Variants in CMAS observed in about 807,000 individuals in gnomAD.
CMAS encodes N-acylneuraminate cytidylyltransferase.
Under a neutral mutation model 53.4 loss-of-function variants are expected in CMAS, and 21 were observed. The ratio of observed to expected loss-of-function variants is 0.39; its 90% CI spans 0.28 to 0.57. CMAS has a LOEUF of 0.57. CMAS is among the 20% of genes least tolerant of loss of function. The pLI, the probability that CMAS is intolerant of heterozygous loss-of-function variation, is 0.56. For missense variants in CMAS, 384 were observed against 534.9 expected (o/e 0.72, Z 2.78); for synonymous variants, 189 against 195.2 (o/e 0.97, Z 0.27).
intron 3 of CMAS, among the ~76,000 whole-genome samples, chr12:22,057,440 C>T (rs1950275611): frequency 6.6e-6 from 1 of 152,004 alleles, no homozygotes; most frequent in South Asian, 2.1e-4. Flanking sequence ...ATATTTTTAA[C>T]TAATGGTAAG....
At chr12:22,048,838 T>C (rs1044083745) in intron 1 of CMAS, among the ~76,000 whole-genome samples, 11 of 152,164 alleles carry the variant, frequency 7.2e-5, no homozygotes. Context: ...TAGAAGATTG[T>C]TTCTCTTCCA....
At chr12:22,049,527 TCTAGA>T (rs1175789537) in intron 1 of CMAS, among the ~76,000 whole-genome samples, 3 of 152,238 alleles carry the variant, frequency 2.0e-5, no homozygotes, top group African/African-American at 4.8e-5. Context: ...ATTTAATACT[TCTAGA>T]CTAGAGTGTA....
chr12:22,063,231 G>A lies in CMAS; in HGVS notation c.1114+797G>A, dbSNP rs1176505243. On this transcript the variant is annotated intron_variant, in intron 7 of 7. Coordinates refer to ENST00000229329, the MANE Select transcript of CMAS (RefSeq NM_018686.6). ...CATGTATGAAAGCAGTATTTACAAG[G>A]GTAATATGAGCCTCAAAATAAGAAG... Among the ~76,000 whole-genome samples, 3 of 152,200 alleles carry A rather than the reference G, an allele frequency of 2.0e-5. No homozygotes were observed. The East Asian group carries it at 5.8e-4, about 29-fold the overall frequency.
chr12:22,059,926 C>T (rs377426210), intron 4 of CMAS, among the ~76,000 whole-genome samples: 1 of 152,086 alleles, frequency 6.6e-6, no homozygotes, highest in South Asian at 2.1e-4. Flanking sequence ...GACCCTTTCT[C>T]TTGCTGACCC....
At chr12:22,051,801 G>A (rs1950240433) in intron 1 of CMAS, among the ~76,000 whole-genome samples, 1 of 152,308 alleles carries the variant, frequency 6.6e-6, no homozygotes, top group Non-Finnish European at 1.5e-5. Flanking sequence ...TGAAGATTGA[G>A]TGTGAGGATT....
chr12:22,058,500 T>G, intron 3 of CMAS, 67 bp from the exon 4 acceptor site: 1 of 1,393,210 alleles, frequency 7.2e-7, no homozygotes, highest in East Asian at 2.3e-5. Flanking sequence ...ATTAACTTTT[T>G]TAGTTACTAA....
At chr12:22,053,480 TTG>T (rs888760456) in intron 1 of CMAS, among the ~76,000 whole-genome samples, 1 of 148,724 alleles carries the variant, frequency 6.7e-6, no homozygotes, top group African/African-American at 2.5e-5. Flanking sequence ...GTATATATGT[TTG>T]TGTGTGTATA....
intron 1 of CMAS, among the ~76,000 whole-genome samples, chr12:22,051,968 T>C (rs1357768658): frequency 6.6e-6 from 1 of 152,216 alleles, no homozygotes; most frequent in African/African-American, 2.4e-5. Flanking sequence ...TTACTGAAAA[T>C]TGAGGCATAG....
At chr12:22,062,939 G>A (rs118141987) in intron 7 of CMAS, among the ~76,000 whole-genome samples, 3 of 152,286 alleles carry the variant, frequency 2.0e-5, no homozygotes, top group South Asian at 4.1e-4. Flanking sequence ...CCACTTAAAT[G>A]TCCTGTGAAA....
chr12:22,065,502 T>G lies in CMAS; in HGVS notation c.*191T>G, dbSNP rs868284821. The G allele has an allele frequency of 3.0e-5, 16 of 530,672 alleles. No individual in the cohort carries two copies. The South Asian group carries it at 3.9e-4, about 13-fold the overall frequency. 32.9% of individuals were successfully genotyped at this position (530,672 alleles called of 1,614,324 possible). ...GAGACTGATTACAGTCTTTCTCAGA[T>G]TTTTAGTAAATGCAAGTAAGAACAT... On this transcript the variant is annotated 3_prime_UTR_variant, in exon 8 of 8. Coordinates refer to ENST00000229329, the MANE Select transcript of CMAS (RefSeq NM_018686.6).
At chr12:22,061,708 T>C (rs1263511194) in intron 6 of CMAS, among the ~76,000 whole-genome samples, 3 of 152,174 alleles carry the variant, frequency 2.0e-5, no homozygotes, top group African/African-American at 7.2e-5. Context: ...CTATCTAATG[T>C]TTCCCAAAGG....
At chr12:22,055,873 AT>A (rs1950264934) in intron 3 of CMAS, among the ~76,000 whole-genome samples, 1 of 152,178 alleles carries the variant, frequency 6.6e-6, no homozygotes, top group Non-Finnish European at 1.5e-5. Flanking sequence ...TGAGGCAGAT[AT>A]GCTGTTTTTC....
chr12:22,061,644 AT>A (rs1950309060), intron 6 of CMAS, among the ~76,000 whole-genome samples, 192 bp downstream of exon 6: 1 of 152,178 alleles, frequency 6.6e-6, no homozygotes, highest in Non-Finnish European at 1.5e-5. Flanking sequence ...TAATCAGCAA[AT>A]AATATTTCTT....
chr12:22,064,559 T>C (rs1950332209), intron 7 of CMAS, among the ~76,000 whole-genome samples: 1 of 152,068 alleles, frequency 6.6e-6, no homozygotes, highest in Non-Finnish European at 1.5e-5. Context: ...TATTAGAGGA[T>C]ATTAAGGAAC....
chr12:22,061,212 G>C, intron 5 of CMAS, 69 bp from the exon 6 acceptor site: 1 of 1,064,248 alleles, frequency 9.4e-7, no homozygotes, highest in Non-Finnish European at 1.4e-6. Context: ...TCATGTATTG[G>C]TTTAGCCAGA....
At chr12:22,062,818 A>G (rs12318153) in intron 7 of CMAS, among the ~76,000 whole-genome samples, 2,324 of 152,296 alleles carry the variant, frequency 0.015, 67 homozygotes, top group African/African-American at 0.053. Context: ...GTACATATGA[A>G]TTACACTCTG....
chr12:22,061,561 T>A, intron 6 of CMAS, 109 bp downstream of exon 6: 2 of 717,764 alleles, frequency 2.8e-6, no homozygotes, highest in Non-Finnish European at 4.1e-6. Context: ...TTAAAATATC[T>A]GAAATTTGGC....
chr12:22,048,535 G>T (rs887546849), intron 1 of CMAS, among the ~76,000 whole-genome samples: 3 of 152,154 alleles, frequency 2.0e-5, no homozygotes, highest in African/African-American at 7.2e-5. Context: ...AAAGCTGCCA[G>T]AATTTCCTGA....
chr12:22,046,408 G>A lies in CMAS; in HGVS notation c.105G>A (p.Gln35=). The change falls in exon 1 of 8, where the codon CAG becomes CAA. Residue 35 remains glutamine, a synonymous_variant. Transcript: ENST00000229329. ...PKLQRNSRGG[Q]GRGVEKPPHL... is the part of the protein sequence containing the mutation. ...TGCAGCGCAACTCTCGCGGCGGCCA[G>A]GGCCGAGGTGTGGAGAAGCCCCCGC... 6.3e-7 allele frequency: 1 copy of A among 1,596,208 alleles called. No individual in the cohort carries two copies. The highest frequency in any genetic ancestry group is 1.7e-4 in the Middle Eastern group (1 of 5,978).
Sources: allele counts gnomAD v4.1 joint callset (sites outside exome capture counted in the v4.1 genomes callset), GRCh38; gene constraint gnomAD v4.1.1; transcripts MANE v1.5; gene names NCBI Gene and HGNC (gene_info 2026-07-23, HGNC 2026-07-21).